CNTNAP2: variants seen among roughly 807,000 people sequenced by gnomAD.
CNTNAP2 encodes the protein contactin-associated protein-like 2.
A neutral mutation model predicts 155.2 loss-of-function variants in CNTNAP2; 98 were observed. The ratio of observed to expected loss-of-function variants is 0.63; its 90% CI spans 0.54 to 0.75. The LOEUF (loss-of-function observed/expected upper bound fraction) is 0.75, where lower values mean the gene tolerates loss of function less well. CNTNAP2 is among the 30% of genes least tolerant of loss of function. CNTNAP2 has a pLI of 0.00. For missense variants in CNTNAP2, 1,727 were observed against 1,688.1 expected, an observed-to-expected ratio of 1.02 and a Z score of -0.40; for synonymous variants, 651 against 631.2, an observed-to-expected ratio of 1.03 and a Z score of -0.47.
intron 3 of CNTNAP2, among the ~76,000 whole-genome samples, chr7:146,862,512 C>T (rs113925165): frequency 5.3e-5 from 8 of 151,930 alleles, no homozygotes; most frequent in African/African-American, 1.2e-4. Flanking sequence ...ACAAAAAAAA[C>T]GCTAATGACA....
chr7:146,180,125 A>G (rs1798529009), intron 1 of CNTNAP2, among the ~76,000 whole-genome samples: 1 of 152,164 alleles, frequency 6.6e-6, no homozygotes, highest in Admixed American at 6.6e-5. Context: ...CCTCAGGGAA[A>G]GTTTAGAAAC....
At chr7:147,934,820 A>T (rs1224841324) in intron 14 of CNTNAP2, among the ~76,000 whole-genome samples, 2 of 152,214 alleles carry the variant, frequency 1.3e-5, no homozygotes. Context: ...CTTGTTTTAC[A>T]TCCTATTCAC....
chr7:147,176,735 G>GAATTATATATTATATATAATAA (rs1563103856), intron 8 of CNTNAP2, among the ~76,000 whole-genome samples: 1 of 92,906 alleles, frequency 1.1e-5, no homozygotes, highest in African/African-American at 3.7e-5. Flanking sequence ...ATATATAATA[G>GAATTATATATTATATATAATAA]AATTATAATT....
chr7:147,836,336 C>A (rs1798634443), intron 13 of CNTNAP2, among the ~76,000 whole-genome samples: 1 of 152,134 alleles, frequency 6.6e-6, no homozygotes, highest in African/African-American at 2.4e-5. Flanking sequence ...CGTGTCCTCC[C>A]AGCCTTCCCC....
chr7:147,607,587 A>G (rs912252207), intron 12 of CNTNAP2, among the ~76,000 whole-genome samples: 10 of 152,174 alleles, frequency 6.6e-5, no homozygotes, highest in Admixed American at 1.3e-4. Context: ...AATTGCTTGG[A>G]TGTGTTTAAT....
chr7:147,303,775 C>T (rs1357684352), intron 9 of CNTNAP2, among the ~76,000 whole-genome samples: 1 of 152,170 alleles, frequency 6.6e-6, no homozygotes, highest in Non-Finnish European at 1.5e-5. Context: ...CTAGGAAATG[C>T]TAAATGCTGA....
chr7:148,261,617 T>C (rs1489670180), intron 20 of CNTNAP2, among the ~76,000 whole-genome samples: 1 of 152,116 alleles, frequency 6.6e-6, no homozygotes, highest in Non-Finnish European at 1.5e-5. Flanking sequence ...CTGGAGCTGG[T>C]CCGGAATTGC....
At chr7:148,008,292 A>G (rs1387817407) in intron 15 of CNTNAP2, among the ~76,000 whole-genome samples, 1 of 152,138 alleles carries the variant, frequency 6.6e-6, no homozygotes, top group Non-Finnish European at 1.5e-5. Context: ...GAATTGCTTG[A>G]ACCTGGGAGG....
At chr7:146,421,330 C>T (rs1796009474) in intron 1 of CNTNAP2, among the ~76,000 whole-genome samples, 1 of 151,970 alleles carries the variant, frequency 6.6e-6, no homozygotes, top group Admixed American at 6.6e-5. Context: ...AATAATGAAG[C>T]ATAATGCTAG....
intron 13 of CNTNAP2, among the ~76,000 whole-genome samples, chr7:147,703,823 G>T (rs1187491795): frequency 6.6e-6 from 1 of 152,044 alleles, no homozygotes; most frequent in East Asian, 1.9e-4. Flanking sequence ...ATGTATGTTT[G>T]CACTCTTTAC....
chr7:147,075,619 A>C (rs1799981487), intron 4 of CNTNAP2, among the ~76,000 whole-genome samples: 1 of 152,170 alleles, frequency 6.6e-6, no homozygotes. Context: ...TAAATGAATA[A>C]ATTTCTTCTT....
chr7:148,314,134 A>T (rs545141436), intron 21 of CNTNAP2, among the ~76,000 whole-genome samples: 43 of 152,106 alleles, frequency 2.8e-4, no homozygotes, highest in African/African-American at 1.0e-3. Flanking sequence ...AGGAGGGGAG[A>T]GGTCAGATGG....
At chr7:146,501,520 C>T (rs759999596) in intron 1 of CNTNAP2, among the ~76,000 whole-genome samples, 12 of 151,654 alleles carry the variant, frequency 7.9e-5, no homozygotes, top group Non-Finnish European at 1.3e-4. Flanking sequence ...TATATTATTC[C>T]TTTGTAAGCT....
intron 3 of CNTNAP2, among the ~76,000 whole-genome samples, chr7:147,024,042 G>T (rs1380058551): frequency 6.6e-6 from 1 of 152,100 alleles, no homozygotes; most frequent in Non-Finnish European, 1.5e-5. Flanking sequence ...TTTAGATATA[G>T]TCTTTTTTGT....
intron 1 of CNTNAP2, among the ~76,000 whole-genome samples, chr7:146,573,000 C>T (rs1014712242): frequency 2.0e-5 from 3 of 152,094 alleles, no homozygotes; most frequent in Admixed American, 1.3e-4. Context: ...GATGGAGGAG[C>T]ACCCAACAAA....
At chr7:148,130,559 C>T (rs1298824754) in intron 16 of CNTNAP2, among the ~76,000 whole-genome samples, 1 of 152,228 alleles carries the variant, frequency 6.6e-6, no homozygotes, top group African/African-American at 2.4e-5. Context: ...ATGATTCCCC[C>T]TGTGCCTTAT....
At chr7:146,585,692 T>A (rs1433950064) in intron 1 of CNTNAP2, among the ~76,000 whole-genome samples, 1 of 140,652 alleles carries the variant, frequency 7.1e-6, no homozygotes, top group Non-Finnish European at 1.5e-5. Flanking sequence ...CTAAAACTCA[T>A]CTGTACGAAA....
chr7:147,715,456 G>A (rs1796467908), intron 13 of CNTNAP2, among the ~76,000 whole-genome samples: 1 of 152,022 alleles, frequency 6.6e-6, no homozygotes, highest in Non-Finnish European at 1.5e-5. Flanking sequence ...GTTGTCATGG[G>A]CTAATCTGCC....
chr7:148,190,521 A>G (rs1386880830), intron 18 of CNTNAP2: 1 of 152,242 alleles, frequency 6.6e-6, no homozygotes, highest in Non-Finnish European at 1.5e-5. Flanking sequence ...GTATTAGTCT[A>G]GGCTCTTAGA....
Sources: allele counts gnomAD v4.1 joint callset (sites outside exome capture counted in the v4.1 genomes callset), GRCh38; gene constraint gnomAD v4.1.1; transcripts MANE v1.5; gene names NCBI Gene and HGNC (gene_info 2026-07-23, HGNC 2026-07-21).